The following HEPH variants were observed in gnomAD, a reference collection of about 807,000 sequenced individuals.
HEPH encodes the protein hephaestin.
In HEPH, 69 loss-of-function variants were observed where a neutral mutation model predicts 80.8. The ratio of observed to expected loss-of-function variants is 0.85; its 90% CI spans 0.70 to 1.04. The LOEUF (loss-of-function observed/expected upper bound fraction) is 1.04, where lower values mean the gene tolerates loss of function less well. Ranked by LOEUF, HEPH falls within the 50% of genes least tolerant of loss-of-function variation. The pLI is 0.00. For synonymous variants in HEPH, 431 were observed against 322.8 expected (o/e 1.34, Z -3.60); for missense variants, 1,115 against 891.3 (o/e 1.25, Z -3.20).
intron 17 of HEPH, 35 bp downstream of exon 17, chrX:66,256,365 A>C: frequency 2.9e-6 from 3 of 1,022,956 alleles, no homozygotes; most frequent in Non-Finnish European, 2.7e-6. Flanking sequence ...GTTCCAAAGC[A>C]GTCCCTACTG....
intron 15 of HEPH, among the ~76,000 whole-genome samples, chrX:66,246,571 A>G (rs2090816632): frequency 9.0e-6 from 1 of 111,021 alleles, no homozygotes; most frequent in Non-Finnish European, 1.9e-5. Context: ...CCTCTGCCTC[A>G]GTCTAGAAGC....
intron 13 of HEPH, among the ~76,000 whole-genome samples, chrX:66,204,569 A>T (rs962342822): frequency 1.8e-5 from 2 of 112,523 alleles, no homozygotes; most frequent in South Asian, 3.6e-4. Context: ...TGTAAACAGA[A>T]GCAGATAACT....
intron 14 of HEPH, 114 bp from the exon 15 acceptor site, chrX:66,208,001 G>T (rs1435525318): frequency 3.9e-6 from 2 of 506,701 alleles, no homozygotes; most frequent in Non-Finnish European, 6.1e-6. Flanking sequence ...AGGATGTTTT[G>T]TCAGGGTAAA....
At chrX:66,193,006 G>A (rs1199456948) in intron 7 of HEPH, among the ~76,000 whole-genome samples, 1 of 111,116 alleles carries the variant, frequency 9.0e-6, no homozygotes, top group African/African-American at 3.3e-5. Flanking sequence ...GGAAATAATA[G>A]AGTAAATCTG....
intron 1 of HEPH, among the ~76,000 whole-genome samples, chrX:66,167,319 C>A (rs1231020007): frequency 1.8e-5 from 2 of 112,221 alleles, no homozygotes; most frequent in African/African-American, 3.2e-5. Context: ...TCCCACCACT[C>A]CCCAGATTCT....
intron 4 of HEPH, among the ~76,000 whole-genome samples, chrX:66,180,669 T>G (rs1393221207): frequency 1.1e-5 from 1 of 91,958 alleles, no homozygotes; most frequent in Non-Finnish European, 2.1e-5. Flanking sequence ...TTTCAGTCAT[T>G]ATTTGTTTGT....
chrX:66,219,045 G>T (rs915634653), intron 15 of HEPH, among the ~76,000 whole-genome samples: 1 of 111,926 alleles, frequency 8.9e-6, no homozygotes, highest in African/African-American at 3.3e-5. Context: ...ACTCAATAGT[G>T]GGAGTTCTCA....
Position 66,202,179 on chromosome X carries a change from G to T in HEPH, c.2078-1185G>T, listed in dbSNP as rs536133862. Among the ~76,000 whole-genome samples the T allele has an allele frequency of 4.8e-4, 53 of 111,477 alleles. No homozygotes were observed. In the South Asian group the frequency reaches 0.02, roughly 42 times the overall value. ...ACTCTCATAGATACTTGGGGGTGGG[G>T]TGGGCAGGTAAGTTCCAGAAAGAGG... On this transcript the variant is annotated intron_variant, in intron 12 of 20. Coordinates refer to ENST00000343002, the MANE Select transcript of HEPH (RefSeq NM_001367233.3).
At chrX:66,263,611 G>A in intron 19 of HEPH, 33 bp from the exon 20 acceptor site, 2 of 1,204,766 alleles carry the variant, frequency 1.7e-6, no homozygotes, top group Non-Finnish European at 1.1e-6. Flanking sequence ...AGAACAATAA[G>A]GCTAACCTCT....
chrX:66,193,639 G>A lies in HEPH; in HGVS notation c.1369+1G>A. 1 of 1,169,967 alleles carries A rather than the reference G, an allele frequency of 8.5e-7. No individual in the cohort carries two copies. The highest frequency in any genetic ancestry group is 3.0e-5 in the East Asian group (1 of 33,071). On this transcript the variant is annotated splice_donor_variant, in intron 8 of 20. Transcript: ENST00000343002. LOFTEE classifies it high-confidence loss of function. ...GAAGATAGGCATCTTGGAATCCTGG[G>A]TGAGGAATTTTTAAATTATGAAATT... is the stretch of plus-strand genomic sequence containing the variant.
chrX:66,217,270 A>T (rs1407593210), intron 15 of HEPH, among the ~76,000 whole-genome samples: 1 of 111,061 alleles, frequency 9.0e-6, no homozygotes, highest in Non-Finnish European at 1.9e-5. Flanking sequence ...GAATTATAAA[A>T]AGTTGGGAGG....
intron 13 of HEPH, among the ~76,000 whole-genome samples, chrX:66,206,774 G>T (rs1482499973): frequency 1.8e-5 from 2 of 109,889 alleles, no homozygotes; most frequent in African/African-American, 6.6e-5. Flanking sequence ...CCAGCACTTT[G>T]GGAGGCCAAG....
intron 15 of HEPH, among the ~76,000 whole-genome samples, chrX:66,213,433 A>C (rs2089241617): frequency 1.8e-5 from 2 of 112,044 alleles, no homozygotes; most frequent in Admixed American, 1.9e-4. Context: ...AGACTGGATT[A>C]AGAAAATGTG....
intron 11 of HEPH, 115 bp from the exon 12 acceptor site, chrX:66,200,425 C>G: frequency 1.9e-6 from 1 of 540,237 alleles, no homozygotes; most frequent in Admixed American, 3.6e-5. Context: ...TTGAGGATGA[C>G]TCAGCAGTTT....
intron 15 of HEPH, among the ~76,000 whole-genome samples, chrX:66,215,606 G>T (rs1184304742): frequency 8.9e-6 from 1 of 111,868 alleles, no homozygotes; most frequent in African/African-American, 3.3e-5. Flanking sequence ...CATCTTCGGG[G>T]TGGAGGAGAA....
Position 66,192,250 on chromosome X carries a change from C to T in HEPH, c.1184C>T (p.Pro395Leu). Residue 395 changes from proline (P) to leucine (L), a missense_variant, in exon 7 of 21, where the codon CCG (proline) becomes CTG (leucine). This residue lies in a region of HEPH where 391 missense variants were observed against 343.6 expected (regional missense o/e 1.14). Transcript: ENST00000343002. ...CATGAGATTCAATGGGACTATGGCC[C>T]GATGGGGCATGATGGGAGTACTGGG... ...EAHEIQWDYG[P>L]MGHDGSTGKN... is the part of the protein sequence containing the mutation. The T allele has an allele frequency of 5.0e-6, 6 of 1,210,866 alleles. No homozygotes were observed. Among genetic ancestry groups the T allele is most frequent in the Non-Finnish European group, 6.7e-6 (6 of 894,987 alleles).
At chrX:66,225,912 A>G (rs1397288272) in intron 15 of HEPH, among the ~76,000 whole-genome samples, 2 of 112,200 alleles carry the variant, frequency 1.8e-5, no homozygotes, top group East Asian at 5.6e-4. Flanking sequence ...TTCGGCCGGG[A>G]GCTTCGGCAA....
At chrX:66,228,853 CAT>C (rs910849114) in intron 15 of HEPH, among the ~76,000 whole-genome samples, 1 of 110,875 alleles carries the variant, frequency 9.0e-6, no homozygotes, top group African/African-American at 3.3e-5. Context: ...CAAGAATGGC[CAT>C]AGTCAAAAAA....
chrX:66,253,549 C>T (rs1481464214), intron 15 of HEPH, among the ~76,000 whole-genome samples: 11 of 112,146 alleles, frequency 9.8e-5, no homozygotes, highest in Admixed American at 1.9e-4. Flanking sequence ...CTTTGGAAAG[C>T]AGTTTGGCAA....
Sources: allele counts gnomAD v4.1 joint callset (sites outside exome capture counted in the v4.1 genomes callset), GRCh38; gene constraint gnomAD v4.1.1; regional missense constraint gnomAD v4.1.1; transcripts MANE v1.5; gene names NCBI Gene and HGNC (gene_info 2026-07-23, HGNC 2026-07-21).